The following AGBL1 variants were observed in gnomAD, a reference collection of about 807,000 sequenced individuals.
The protein encoded by AGBL1 is cytosolic carboxypeptidase 4.
Under a neutral mutation model 118.9 loss-of-function variants are expected in AGBL1, and 130 were observed. That is an observed-to-expected ratio of 1.09 (90% confidence interval 0.95 to 1.26). The LOEUF is 1.26. AGBL1 is among the 50% of genes most tolerant of loss of function. The pLI, the probability that AGBL1 is intolerant of heterozygous loss-of-function variation, is 0.00. For synonymous variants in AGBL1, 555 were observed against 478.9 expected, an observed-to-expected ratio of 1.16 and a Z score of -2.08; for missense variants, 1,584 against 1,298.1, an observed-to-expected ratio of 1.22 and a Z score of -3.38.
chr15:86,857,397 C>T (rs2079498329), intron 22 of AGBL1, among the ~76,000 whole-genome samples: 1 of 152,152 alleles, frequency 6.6e-6, no homozygotes, highest in African/African-American at 2.4e-5. Context: ...TCCCATATCT[C>T]GAGCCCACAT....
chr15:86,161,536 A>G (rs1450684646), intron 5 of AGBL1, among the ~76,000 whole-genome samples: 1 of 152,166 alleles, frequency 6.6e-6, no homozygotes, highest in African/African-American at 2.4e-5. Flanking sequence ...TATACAGTCT[A>G]TTTCCAGCAT....
At chr15:86,480,193 T>G (rs1953274548) in intron 18 of AGBL1, among the ~76,000 whole-genome samples, 1 of 152,136 alleles carries the variant, frequency 6.6e-6, no homozygotes, top group African/African-American at 2.4e-5. Context: ...ACCTGCACGT[T>G]GTGCACATGC....
At chr15:86,497,761 A>C (rs2082871327) in intron 18 of AGBL1, among the ~76,000 whole-genome samples, 1 of 151,924 alleles carries the variant, frequency 6.6e-6, no homozygotes, top group Non-Finnish European at 1.5e-5. Context: ...TGTAAGTCTC[A>C]CATTCAGAGC....
chr15:86,426,819 T>A (rs765928171), intron 18 of AGBL1, among the ~76,000 whole-genome samples: 37 of 152,170 alleles, frequency 2.4e-4, no homozygotes, highest in Non-Finnish European at 4.7e-4. Context: ...CAGGCTGGAG[T>A]GCAATGGCAC....
intron 6 of AGBL1, among the ~76,000 whole-genome samples, chr15:86,244,150 A>T (rs1378942717): frequency 6.6e-6 from 1 of 151,994 alleles, no homozygotes; most frequent in African/African-American, 2.4e-5. Flanking sequence ...AGCAACATAA[A>T]AATTTTGTTT....
At chr15:86,518,845 G>C (rs1288107798) in intron 18 of AGBL1, among the ~76,000 whole-genome samples, 1 of 151,548 alleles carries the variant, frequency 6.6e-6, no homozygotes, top group African/African-American at 2.4e-5. Flanking sequence ...TGCATTTGTT[G>C]AGAGAGTTAC....
intron 17 of AGBL1, among the ~76,000 whole-genome samples, chr15:86,327,072 A>G (rs1295989133): frequency 6.6e-6 from 1 of 152,136 alleles, no homozygotes; most frequent in Non-Finnish European, 1.5e-5. Flanking sequence ...TGATAGAGCA[A>G]AGAGGGACAG....
chr15:86,095,261 G>A (rs1291225141), intron 1 of AGBL1, among the ~76,000 whole-genome samples: 2 of 152,134 alleles, frequency 1.3e-5, no homozygotes, highest in Admixed American at 1.3e-4. Context: ...CATTGCATAG[G>A]CCTGACTGAT....
At chr15:86,453,297 G>A (rs2082218189) in intron 18 of AGBL1, among the ~76,000 whole-genome samples, 1 of 152,114 alleles carries the variant, frequency 6.6e-6, no homozygotes, top group Non-Finnish European at 1.5e-5. Context: ...ATTCCCACCA[G>A]CCATTCATAT....
chr15:87,013,253 T>C (rs966789000), intron 24 of AGBL1, among the ~76,000 whole-genome samples: 1 of 152,186 alleles, frequency 6.6e-6, no homozygotes, highest in Non-Finnish European at 1.5e-5. Context: ...TGCTCTGTTA[T>C]CTGAAAGGTC....
At chr15:86,239,429 T>C (rs1482291323) in intron 6 of AGBL1, among the ~76,000 whole-genome samples, 1 of 152,218 alleles carries the variant, frequency 6.6e-6, no homozygotes, top group Non-Finnish European at 1.5e-5. Context: ...CTTTTGTACA[T>C]ATCCTTATGC....
downstream of AGBL1, among the ~76,000 whole-genome samples, chr15:87,029,506 C>T (rs80122931): frequency 4.0e-5 from 6 of 151,368 alleles, no homozygotes; most frequent in South Asian, 4.2e-4. Flanking sequence ...ATAACAACAA[C>T]GACAGCAACA....
At chr15:86,704,288 G>A (rs373712195) in intron 22 of AGBL1, among the ~76,000 whole-genome samples, 1 of 152,138 alleles carries the variant, frequency 6.6e-6, no homozygotes, top group Non-Finnish European at 1.5e-5. Flanking sequence ...TTGGCAAATG[G>A]CATCTAATTA....
intron 22 of AGBL1, among the ~76,000 whole-genome samples, chr15:86,754,227 C>G (rs182391929): frequency 6.6e-6 from 1 of 152,110 alleles, no homozygotes; most frequent in Admixed American, 6.5e-5. Context: ...GTGCTTACTC[C>G]AAGTTTGTGG....
At chr15:86,773,822 A>C (rs1331074690) in intron 22 of AGBL1, among the ~76,000 whole-genome samples, 3 of 151,952 alleles carry the variant, frequency 2.0e-5, no homozygotes, top group Non-Finnish European at 4.4e-5. Flanking sequence ...TATGGAAAAG[A>C]ATCTCTCCTA....
intron 23 of AGBL1, among the ~76,000 whole-genome samples, chr15:86,953,385 G>T (rs1319173601): frequency 6.7e-6 from 1 of 148,412 alleles, no homozygotes; most frequent in African/African-American, 2.5e-5. Context: ...CATCTTCTTG[G>T]TAAGCTGTAT....
chr15:87,028,077 G>A (rs1436756585), intron 24 of AGBL1, among the ~76,000 whole-genome samples: 1 of 151,118 alleles, frequency 6.6e-6, no homozygotes, highest in Non-Finnish European at 1.5e-5. Flanking sequence ...ATAAATGTAT[G>A]GCCAAAAGAA....
chr15:86,504,091 G>A (rs928823317), intron 18 of AGBL1, among the ~76,000 whole-genome samples: 1 of 151,640 alleles, frequency 6.6e-6, no homozygotes, highest in Non-Finnish European at 1.5e-5. Flanking sequence ...CTTCATGTAT[G>A]ATGGTGCTTT....
chr15:86,404,222 G>A (rs183907878), intron 18 of AGBL1, among the ~76,000 whole-genome samples: 4 of 152,232 alleles, frequency 2.6e-5, no homozygotes, highest in Non-Finnish European at 4.4e-5. Flanking sequence ...ATTCTTGCCC[G>A]GGATGAATGA....
Sources: allele counts gnomAD v4.1 joint callset (sites outside exome capture counted in the v4.1 genomes callset), GRCh38; gene constraint gnomAD v4.1.1; transcripts MANE v1.5; gene names NCBI Gene and HGNC (gene_info 2026-07-23, HGNC 2026-07-21).